Variants in SUV39H2 observed in about 807,000 individuals in gnomAD.
SUV39H2 encodes SUV39H2 histone lysine methyltransferase.
SUV39H2 carries 10 observed loss-of-function variants against 47.5 expected under a neutral mutation model. The ratio of observed to expected loss-of-function variants is 0.21; its 90% CI spans 0.13 to 0.36. The LOEUF is 0.36. Among genes scored for constraint, SUV39H2 ranks in the 10% least tolerant of loss-of-function variants. The probability of loss-of-function intolerance (pLI) is 1.00; values close to 1 mark genes in which losing one functional copy is unlikely to be tolerated. For synonymous variants in SUV39H2, 159 were observed against 166.8 expected (o/e 0.95, Z 0.36); for missense variants, 266 against 487.4 (o/e 0.55, Z 4.28).
intron 2 of SUV39H2, among the ~76,000 whole-genome samples, chr10:14,885,048 T>G (rs114390975): frequency 6.6e-6 from 1 of 152,202 alleles, no homozygotes; most frequent in Non-Finnish European, 1.5e-5. Flanking sequence ...GAACCTCCTT[T>G]ACTATCTCTT....
chr10:14,901,330 A>C (rs1277738698), intron 5 of SUV39H2, 68 bp downstream of exon 5: 12 of 1,592,440 alleles, frequency 7.5e-6, no homozygotes, highest in African/African-American at 1.3e-5. Context: ...GACTAGGAAC[A>C]GACCTTAGAT....
chr10:14,898,260 T>C (rs1462889842), intron 3 of SUV39H2: 1 of 145,362 alleles, frequency 6.9e-6, no homozygotes. Flanking sequence ...TCCATTATTG[T>C]AGAGAAATTG....
At chr10:14,879,021 C>T in intron 1 of SUV39H2, 102 bp downstream of exon 1, 3 of 1,316,666 alleles carry the variant, frequency 2.3e-6, no homozygotes, top group African/African-American at 1.5e-5. Flanking sequence ...GGCGACGTGG[C>T]GGTTCCCCGC....
chr10:14,886,558 T>G (rs1289864214), intron 2 of SUV39H2, among the ~76,000 whole-genome samples: 1 of 152,210 alleles, frequency 6.6e-6, no homozygotes, highest in Non-Finnish European at 1.5e-5. Context: ...GTCATGTTTC[T>G]AGGGCCTACA....
chr10:14,898,096 A>G (rs1306089380), intron 3 of SUV39H2: 1 of 150,508 alleles, frequency 6.6e-6, no homozygotes, highest in Non-Finnish European at 1.5e-5. Flanking sequence ...ATATGTATAT[A>G]TATATATAAA....
At chr10:14,881,937 C>G (rs1043988577) in intron 2 of SUV39H2, among the ~76,000 whole-genome samples, 1 of 152,182 alleles carries the variant, frequency 6.6e-6, no homozygotes, top group Non-Finnish European at 1.5e-5. Context: ...AATTGTCTTT[C>G]GTTTTGTTCG....
chr10:14,880,605 A>G (rs1833013612), intron 1 of SUV39H2, among the ~76,000 whole-genome samples: 1 of 152,170 alleles, frequency 6.6e-6, no homozygotes, highest in Admixed American at 6.5e-5. Context: ...AGCCCTAACA[A>G]CAAGTTTGTT....
At chr10:14,879,109 G>T in intron 1 of SUV39H2, 190 bp downstream of exon 1, 1 of 1,266,774 alleles carries the variant, frequency 7.9e-7, no homozygotes, top group Non-Finnish European at 9.9e-7. Context: ...TCCCTGCCCG[G>T]CCGGCTCCCG....
intron 2 of SUV39H2, among the ~76,000 whole-genome samples, chr10:14,890,698 T>C (rs1201398439): frequency 3.9e-5 from 6 of 152,198 alleles, no homozygotes; most frequent in African/African-American, 1.4e-4. Context: ...ATATTGAATA[T>C]GATGATTATT....
At chr10:14,889,748 A>AT (rs2131682873) in intron 2 of SUV39H2, among the ~76,000 whole-genome samples, 1 of 152,312 alleles carries the variant, frequency 6.6e-6, no homozygotes, top group East Asian at 1.9e-4. Flanking sequence ...AATGGAAAAA[A>AT]TTCTGTGGGG....
intron 3 of SUV39H2, chr10:14,898,827 C>T (rs1478488109): frequency 5.9e-6 from 1 of 169,818 alleles, no homozygotes; most frequent in African/African-American, 2.4e-5. Context: ...AGCTTCTCCC[C>T]TGTATTTTTA....
intron 5 of SUV39H2, among the ~76,000 whole-genome samples, chr10:14,901,955 A>T (rs917255590): frequency 6.6e-6 from 1 of 152,238 alleles, no homozygotes; most frequent in African/African-American, 2.4e-5. Flanking sequence ...TAAAAAGAAC[A>T]TTTAATTCTA....
At chr10:14,885,161 A>G (rs1258442122) in intron 2 of SUV39H2, among the ~76,000 whole-genome samples, 1 of 151,910 alleles carries the variant, frequency 6.6e-6, no homozygotes, top group East Asian at 1.9e-4. Context: ...TTCTACTTGT[A>G]TGTGTTTGGC....
At position 14,878,928 on chromosome 10, in the gene SUV39H2, G is replaced by A. The variant is rs1161496911; in HGVS notation, c.31+9G>A. ...GGCCGAGGCGCGAGGAGGTGAGGCT[G>A]GAGCGCGGCCCCCTCGCCTTCCCTG... On this transcript the variant is annotated intron_variant, in intron 1 of 5. Transcript: ENST00000354919. 2 of 1,469,044 alleles carry A rather than the reference G, an allele frequency of 1.4e-6. No homozygotes were observed. Among genetic ancestry groups the A allele is most frequent in the Non-Finnish European group, 1.8e-6 (2 of 1,107,828 alleles). 91.0% of individuals were successfully genotyped at this position (1,469,044 alleles called of 1,614,324 possible). A position where few individuals can be genotyped will look rare whatever the true frequency, so the allele number is the denominator to read the frequency against.
intron 1 of SUV39H2, chr10:14,880,189 A>T (rs541181882): frequency 6.6e-6 from 1 of 152,126 alleles, no homozygotes; most frequent in East Asian, 1.9e-4. Flanking sequence ...CTCTTCCCCC[A>T]CGTTTTCTGG....
At chr10:14,897,577 T>C in intron 3 of SUV39H2, 60 bp downstream of exon 3, 1 of 1,367,292 alleles carries the variant, frequency 7.3e-7, no homozygotes. Flanking sequence ...TTTTGGAAAA[T>C]TACCTTTTTA....
chr10:14,880,287 A>G (rs1328786649), intron 1 of SUV39H2, among the ~76,000 whole-genome samples: 1 of 152,192 alleles, frequency 6.6e-6, no homozygotes, highest in Non-Finnish European at 1.5e-5. Flanking sequence ...GTTTCTGACA[A>G]TGAAGTTTCT....
Position 14,886,492 on chromosome 10 carries a change from C to T in SUV39H2, c.177+4847C>T, listed in dbSNP as rs375778046. ...CCAGGACTATGTCTCATTTTAGTCC[C>T]GGTACAGAACGGGTGTTTGGTCCAT... On this transcript the variant is annotated intron_variant, in intron 2 of 5. Coordinates refer to ENST00000354919, the MANE Select transcript of SUV39H2 (RefSeq NM_001193424.2). Among the ~76,000 whole-genome samples, 59 of 152,258 alleles carry T rather than the reference C, an allele frequency of 3.9e-4. 1 individual carries two copies. Among genetic ancestry groups the T allele is most frequent in the Middle Eastern group, 3.4e-3 (1 of 294 alleles).
At chr10:14,895,337 C>T (rs1416428318) in intron 2 of SUV39H2, among the ~76,000 whole-genome samples, 7 of 152,028 alleles carry the variant, frequency 4.6e-5, no homozygotes, top group East Asian at 1.9e-4. Flanking sequence ...CCACCACACC[C>T]GGCTAATTTT....
Sources: gnomAD v4.1 joint callset for allele counts (sites outside exome capture counted in the v4.1 genomes callset) on GRCh38, gnomAD v4.1.1 for gene constraint, MANE v1.5 for transcripts, NCBI Gene and HGNC (gene_info 2026-07-23, HGNC 2026-07-21) for gene names.